GPHN: variants seen among roughly 807,000 people sequenced by gnomAD.
The protein encoded by GPHN is gephyrin.
Under a neutral mutation model 95.5 loss-of-function variants are expected in GPHN, and 17 were observed. The observed-to-expected ratio is 0.18, with a 90% CI of 0.12 to 0.27. The LOEUF is 0.27. Ranked by LOEUF, GPHN falls within the 10% of genes least tolerant of loss-of-function variation. GPHN has a pLI of 1.00. For missense variants in GPHN, 660 were observed against 978.1 expected (o/e 0.67, Z 4.34); for synonymous variants, 320 against 322.5 (o/e 0.99, Z 0.08).
At chr14:66,683,688 A>G (rs2067148758) in intron 2 of GPHN, among the ~76,000 whole-genome samples, 2 of 150,418 alleles carry the variant, frequency 1.3e-5, no homozygotes, top group Non-Finnish European at 3.0e-5. Flanking sequence ...TTTTACAAAA[A>G]TCTCTTCGGC....
chr14:67,070,715 A>AAATATATATATAT, intron 11 of GPHN, among the ~76,000 whole-genome samples: 119 of 80,656 alleles, frequency 1.5e-3, no homozygotes, highest in East Asian at 3.2e-3. Context: ...AAAAAAAAAA[A>AAATATATATATAT]ATATATATAT....
At chr14:66,619,373 A>T (rs993000864) in intron 1 of GPHN, among the ~76,000 whole-genome samples, 1 of 152,020 alleles carries the variant, frequency 6.6e-6, no homozygotes, top group African/African-American at 2.4e-5. Context: ...CCTTACCCAC[A>T]TTTGTTATGT....
chr14:66,922,515 A>G, intron 6 of GPHN, 151 bp from the exon 7 acceptor site: 1 of 631,734 alleles, frequency 1.6e-6, no homozygotes, highest in Non-Finnish European at 2.8e-6. Flanking sequence ...ACTTCATGGC[A>G]TATTGCTAAG....
At chr14:66,654,400 ATGATTTTAAT>A (rs1340001638) in intron 1 of GPHN, among the ~76,000 whole-genome samples, 3 of 152,146 alleles carry the variant, frequency 2.0e-5, no homozygotes, top group African/African-American at 7.2e-5. Context: ...TGTTCTTATT[ATGATTTTAAT>A]TTACATTTTC....
chr14:67,298,817 C>T, the GPHN span, among the ~76,000 whole-genome samples: 4 of 152,288 alleles, frequency 2.6e-5, no homozygotes, highest in African/African-American at 7.2e-5. Context: ...CGGCCCTTTG[C>T]GATGACAATC....
intron 17 of GPHN, among the ~76,000 whole-genome samples, chr14:67,123,967 T>C (rs960693960): frequency 6.6e-6 from 1 of 152,260 alleles, no homozygotes; most frequent in African/African-American, 2.4e-5. Flanking sequence ...GTAGTAGCTT[T>C]TATGTCATCT....
chr14:67,059,126 C>CT, intron 11 of GPHN: 1 of 367,250 alleles, frequency 2.7e-6, no homozygotes. Flanking sequence ...GTAGTTAACT[C>CT]TGAGTCTGTA....
At chr14:67,473,521 T>C in the GPHN span, 1 of 1,613,986 alleles carries the variant, frequency 6.2e-7, no homozygotes. The surrounding 1 kb of genome is among the most constrained non-coding windows in gnomAD (Gnocchi z 6.5). Flanking sequence ...TTGCGGATGA[T>C]GAACTGCTCC....
intron 9 of GPHN, among the ~76,000 whole-genome samples, chr14:67,009,497 G>A (rs78305974): frequency 0.012 from 1,860 of 151,986 alleles, 19 homozygotes; most frequent in Non-Finnish European, 0.018. Flanking sequence ...AAAACATAAC[G>A]TTAATGGGTC....
At chr14:67,194,361 G>GAA in the GPHN span, among the ~76,000 whole-genome samples, 2 of 117,882 alleles carry the variant, frequency 1.7e-5, no homozygotes, top group African/African-American at 3.1e-5. Flanking sequence ...AAGACCTGTA[G>GAA]AAAAAAAAAA....
At chr14:66,866,516 A>T (rs2063227775) in intron 4 of GPHN, among the ~76,000 whole-genome samples, 1 of 152,184 alleles carries the variant, frequency 6.6e-6, no homozygotes, top group Non-Finnish European at 1.5e-5. Context: ...TAATTTAATT[A>T]TCAGATTAAT....
At chr14:66,876,182 A>T (rs2063655082) in intron 4 of GPHN, among the ~76,000 whole-genome samples, 1 of 152,216 alleles carries the variant, frequency 6.6e-6, no homozygotes, top group Admixed American at 6.5e-5. Flanking sequence ...GCAGAAATAA[A>T]TAAGTTCTTT....
At chr14:66,802,469 T>C (rs2060392533) in intron 3 of GPHN, among the ~76,000 whole-genome samples, 1 of 152,156 alleles carries the variant, frequency 6.6e-6, no homozygotes, top group Non-Finnish European at 1.5e-5. Context: ...GCCAAGTTGG[T>C]ACCCGAGTTG....
chr14:66,859,463 G>A (rs147479975), intron 4 of GPHN, among the ~76,000 whole-genome samples: 1,838 of 152,180 alleles, frequency 0.012, 19 homozygotes, highest in Non-Finnish European at 0.018. Context: ...GCTTGGGGCC[G>A]AAGTCCCTTC....
At chr14:66,980,430 T>C (rs1365743693) in intron 9 of GPHN, among the ~76,000 whole-genome samples, 1 of 152,128 alleles carries the variant, frequency 6.6e-6, no homozygotes, top group African/African-American at 2.4e-5. Context: ...ATTAAGAACA[T>C]ATAATGTGCT....
chr14:66,635,662 C>A (rs934585307), intron 1 of GPHN, among the ~76,000 whole-genome samples: 3 of 152,066 alleles, frequency 2.0e-5, no homozygotes, highest in Non-Finnish European at 2.9e-5. Context: ...ATTACAAAAA[C>A]AACGACGAAA....
At chr14:67,735,121 A>G in the GPHN span, 1 of 795,084 alleles carries the variant, frequency 1.3e-6, no homozygotes, top group Non-Finnish European at 2.3e-6. Context: ...GAAAACAATG[A>G]TAGGCATGGG....
At chr14:66,935,740 G>A (rs943366756) in intron 8 of GPHN, among the ~76,000 whole-genome samples, 18 of 151,554 alleles carry the variant, frequency 1.2e-4, no homozygotes, top group Non-Finnish European at 2.2e-4. Flanking sequence ...ATGTGTTTAT[G>A]TATACATATA....
the GPHN span, among the ~76,000 whole-genome samples, chr14:67,209,140 C>G: frequency 6.6e-6 from 1 of 152,160 alleles, no homozygotes; most frequent in Non-Finnish European, 1.5e-5. Flanking sequence ...TTACGTGATT[C>G]ACTCAAAAAT....
Sources: gnomAD v4.1 joint callset for allele counts (sites outside exome capture counted in the v4.1 genomes callset) on GRCh38, gnomAD v4.1.1 for gene constraint, Gnocchi (gnomAD v3.1) non-coding constraint, MANE v1.5 for transcripts, NCBI Gene and HGNC (gene_info 2026-07-23, HGNC 2026-07-21) for gene names.